The following ANKRD6 variants were observed in gnomAD, a reference collection of about 807,000 sequenced individuals.
ANKRD6 encodes ankyrin repeat domain 6, also known as ankyrin repeat domain-containing protein 6.
Under a neutral mutation model 82.3 loss-of-function variants are expected in ANKRD6, and 56 were observed. The observed-to-expected ratio is 0.68, with a 90% CI of 0.55 to 0.85. The LOEUF (loss-of-function observed/expected upper bound fraction) is 0.85. Among genes scored for constraint, ANKRD6 ranks in the 40% least tolerant of loss-of-function variants. The pLI is 0.00. For synonymous variants in ANKRD6, 347 were observed against 352.1 expected, an observed-to-expected ratio of 0.99 and a Z score of 0.16; for missense variants, 852 against 907.6, an observed-to-expected ratio of 0.94 and a Z score of 0.79.
At chr6:89,585,408 T>C (rs1793476191) in intron 2 of ANKRD6, among the ~76,000 whole-genome samples, 1 of 152,208 alleles carries the variant, frequency 6.6e-6, no homozygotes, top group African/African-American at 2.4e-5. Context: ...TAGACATGGA[T>C]GGTGGTGGTG....
intron 1 of ANKRD6, among the ~76,000 whole-genome samples, chr6:89,470,742 G>A (rs1001136504): frequency 1.3e-5 from 2 of 151,888 alleles, no homozygotes; most frequent in Admixed American, 1.3e-4. Flanking sequence ...ATCTTTTATA[G>A]CTATCTTTAG....
intron 2 of ANKRD6, among the ~76,000 whole-genome samples, chr6:89,594,561 G>A (rs189860893): frequency 6.6e-6 from 1 of 152,172 alleles, no homozygotes; most frequent in Non-Finnish European, 1.5e-5. Flanking sequence ...AAGGAGTGAT[G>A]AATACCAAAT....
chr6:89,630,409 CG>C, intron 15 of ANKRD6, 23 bp from the exon 16 acceptor site: 2 of 1,592,454 alleles, frequency 1.3e-6, no homozygotes, highest in Non-Finnish European at 1.7e-6. Flanking sequence ...TTTGCTCTCA[CG>C]TTTGTTTTCC....
intron 1 of ANKRD6, among the ~76,000 whole-genome samples, chr6:89,477,030 C>T (rs560441345): frequency 3.3e-5 from 5 of 152,308 alleles, no homozygotes; most frequent in South Asian, 4.1e-4. Context: ...CTGCAAGCTC[C>T]GCCTCACGGG....
At chr6:89,454,395 A>T (rs1773253049) in intron 1 of ANKRD6, among the ~76,000 whole-genome samples, 1 of 152,096 alleles carries the variant, frequency 6.6e-6, no homozygotes, top group African/African-American at 2.4e-5. Flanking sequence ...ATTTTGTAAA[A>T]GTTATGTGGG....
At chr6:89,535,939 A>C (rs1158158715) in intron 1 of ANKRD6, among the ~76,000 whole-genome samples, 1 of 152,198 alleles carries the variant, frequency 6.6e-6, no homozygotes, top group South Asian at 2.1e-4. Flanking sequence ...AAATGAAGAG[A>C]GTATCACAGG....
intron 1 of ANKRD6, among the ~76,000 whole-genome samples, chr6:89,487,479 T>A (rs1210254150): frequency 6.6e-6 from 1 of 152,214 alleles, no homozygotes; most frequent in Non-Finnish European, 1.5e-5. Context: ...AGGAAGCTTG[T>A]CTCAGTATTC....
rs1272696552 is a variant in ANKRD6 at position 89,506,105 on chromosome 6, T to C, written c.-143-60729T>C. On this transcript the variant is annotated intron_variant, in intron 1 of 15. Transcript: ENST00000339746. ...TTAGTCAAAGGGTATAAACTTTCAGTTATAAGATGAATAAGTTCTGGAGAT... is the reference window on the plus strand; with the variant it reads ...TTAGTCAAAGGGTATAAACTTTCAGCTATAAGATGAATAAGTTCTGGAGAT... 2.6e-5 allele frequency among the ~76,000 whole-genome samples: 4 copies of C among 152,202 alleles called. No homozygotes were observed. In the East Asian group the frequency reaches 7.7e-4, roughly 29 times the overall value.
At chr6:89,507,069 A>C (rs1015074158) in intron 1 of ANKRD6, among the ~76,000 whole-genome samples, 1 of 152,246 alleles carries the variant, frequency 6.6e-6, no homozygotes, top group African/African-American at 2.4e-5. Context: ...TGTGCTTTGT[A>C]ACAGGGTAAC....
At chr6:89,570,043 G>A (rs1399220866) in intron 2 of ANKRD6, among the ~76,000 whole-genome samples, 1 of 130,502 alleles carries the variant, frequency 7.7e-6, no homozygotes, top group Non-Finnish European at 1.6e-5. Flanking sequence ...TGTTATACTC[G>A]TGTGTGTGTA....
chr6:89,539,395 G>A (rs924861008), intron 1 of ANKRD6, among the ~76,000 whole-genome samples: 1 of 151,942 alleles, frequency 6.6e-6, no homozygotes, highest in African/African-American at 2.4e-5. Context: ...CCTTAACCCA[G>A]TTTAGGATTA....
intron 2 of ANKRD6, among the ~76,000 whole-genome samples, chr6:89,569,146 C>T (rs1789208790): frequency 6.6e-6 from 1 of 151,978 alleles, no homozygotes; most frequent in Non-Finnish European, 1.5e-5. Flanking sequence ...AACTCCTGAC[C>T]TCAGGTGACC....
intron 1 of ANKRD6, among the ~76,000 whole-genome samples, chr6:89,451,863 T>G (rs1478136662): frequency 6.6e-6 from 1 of 152,206 alleles, no homozygotes; most frequent in Non-Finnish European, 1.5e-5. Context: ...ATTCCTTTAA[T>G]GTCAGGGACA....
intron 1 of ANKRD6, among the ~76,000 whole-genome samples, chr6:89,484,345 T>A (rs1424654612): frequency 1.3e-5 from 2 of 150,868 alleles, no homozygotes; most frequent in African/African-American, 5.0e-5. Flanking sequence ...TGTGGGCTTA[T>A]TTTTTTTATA....
chr6:89,553,574 C>T (rs1317853342), intron 1 of ANKRD6, among the ~76,000 whole-genome samples: 1 of 152,154 alleles, frequency 6.6e-6, no homozygotes, highest in African/African-American at 2.4e-5. Context: ...GCTAGCAGAG[C>T]AGCTTCCTGG....
chr6:89,596,355 A>T (rs1024507482), intron 3 of ANKRD6, among the ~76,000 whole-genome samples: 1 of 152,208 alleles, frequency 6.6e-6, no homozygotes, highest in Non-Finnish European at 1.5e-5. Flanking sequence ...ACACATGCAC[A>T]TTAGTGAGTA....
At chr6:89,440,465 AGAG>A (rs1279432383) in intron 1 of ANKRD6, among the ~76,000 whole-genome samples, 4 of 152,180 alleles carry the variant, frequency 2.6e-5, no homozygotes, top group Admixed American at 2.6e-4. Context: ...CCTGGTGGAG[AGAG>A]GAGAAGGGAC....
intron 2 of ANKRD6, among the ~76,000 whole-genome samples, chr6:89,584,927 G>T (rs1293890948): frequency 6.6e-6 from 1 of 152,036 alleles, no homozygotes; most frequent in East Asian, 1.9e-4. Flanking sequence ...GGGGTCTCTA[G>T]TCTCTCTTCC....
At chr6:89,451,772 A>C (rs1410497953) in intron 1 of ANKRD6, among the ~76,000 whole-genome samples, 1 of 152,256 alleles carries the variant, frequency 6.6e-6, no homozygotes. Context: ...GCATCTAAAA[A>C]TAGAACATAA....
Sources: gnomAD v4.1 joint callset for allele counts (sites outside exome capture counted in the v4.1 genomes callset) on GRCh38, gnomAD v4.1.1 for gene constraint, MANE v1.5 for transcripts, NCBI Gene and HGNC (gene_info 2026-07-23, HGNC 2026-07-21) for gene names.